Variants in PLA2G4A observed in about 807,000 individuals in gnomAD.
PLA2G4A encodes the protein phospholipase A2 group IVA, also known as cytosolic phospholipase A2.
PLA2G4A carries 40 observed loss-of-function variants against 81.9 expected under a neutral mutation model. The observed-to-expected ratio is 0.49, with a 90% CI of 0.38 to 0.64. The LOEUF (loss-of-function observed/expected upper bound fraction) is 0.64. PLA2G4A is among the 30% of genes least tolerant of loss of function. The pLI is 0.00. For missense variants in PLA2G4A, 715 were observed against 905.1 expected (o/e 0.79, Z 2.69); for synonymous variants, 302 against 296.9 (o/e 1.02, Z -0.18).
intron 5 of PLA2G4A, among the ~76,000 whole-genome samples, chr1:186,903,301 ATGT>A (rs1244474002): frequency 3.3e-5 from 5 of 152,338 alleles, no homozygotes; most frequent in Non-Finnish European, 7.4e-5. Flanking sequence ...TTGAAAGTAA[ATGT>A]TGTAAATATT....
intron 3 of PLA2G4A, among the ~76,000 whole-genome samples, chr1:186,877,433 G>A (rs1417921952): frequency 6.6e-6 from 1 of 151,988 alleles, no homozygotes; most frequent in African/African-American, 2.4e-5. Context: ...CTTTTGGGTA[G>A]TCTGTGCATT....
At chr1:186,830,686 G>T (rs933517286) in intron 1 of PLA2G4A, among the ~76,000 whole-genome samples, 2 of 143,728 alleles carry the variant, frequency 1.4e-5, no homozygotes, top group South Asian at 2.2e-4. Flanking sequence ...ATTAGGAAAA[G>T]AAAAATTATT....
At chr1:186,850,573 A>G (rs1245660307) in intron 1 of PLA2G4A, among the ~76,000 whole-genome samples, 2 of 152,148 alleles carry the variant, frequency 1.3e-5, no homozygotes, top group Non-Finnish European at 2.9e-5. Context: ...GGTAGATAGT[A>G]AAGATGTATT....
At chr1:186,873,910 C>T (rs944314720) in intron 3 of PLA2G4A, among the ~76,000 whole-genome samples, 1 of 152,092 alleles carries the variant, frequency 6.6e-6, no homozygotes, top group Non-Finnish European at 1.5e-5. Flanking sequence ...AGCATTTATA[C>T]CCAGTGCTCT....
chr1:186,842,822 G>T (rs74137522), intron 1 of PLA2G4A, among the ~76,000 whole-genome samples: 1,921 of 152,228 alleles, frequency 0.013, 50 homozygotes, highest in African/African-American at 0.042. Flanking sequence ...TAAGCCACTC[G>T]GTCTGTGATA....
chr1:186,959,837 A>G (rs1204969865), intron 14 of PLA2G4A, among the ~76,000 whole-genome samples: 2 of 152,186 alleles, frequency 1.3e-5, no homozygotes. Context: ...TAAAACTTTT[A>G]GCCACAACTT....
Position 186,831,263 on chromosome 1 carries a change from G to T in PLA2G4A, c.-70+2228G>T, listed in dbSNP as rs185887172. Among the ~76,000 whole-genome samples the T allele has an allele frequency of 1.6e-4, 25 of 152,060 alleles. No homozygotes were observed. The East Asian group carries it at 4.8e-3, about 29-fold the overall frequency. ...TTGGAGTTTTCTGATAATATAAAAT[G>T]ATTAATTATAAAATCATTTTACTTA... is the stretch of plus-strand genomic sequence containing the variant. On this transcript the variant is annotated intron_variant, in intron 1 of 17. Coordinates refer to ENST00000367466, the MANE Select transcript of PLA2G4A (RefSeq NM_024420.3).
intron 4 of PLA2G4A, among the ~76,000 whole-genome samples, chr1:186,893,560 T>C (rs992442592): frequency 1.2e-4 from 19 of 152,170 alleles, no homozygotes; most frequent in African/African-American, 4.6e-4. Flanking sequence ...AGTTTCGTTT[T>C]TGAAAACATG....
At chr1:186,905,198 G>A (rs1654691457) in intron 5 of PLA2G4A, among the ~76,000 whole-genome samples, 1 of 152,158 alleles carries the variant, frequency 6.6e-6, no homozygotes, top group South Asian at 2.1e-4. Context: ...AGACCTGCCA[G>A]CTGGGAAACC....
At chr1:186,901,832 T>G (rs76299493) in intron 5 of PLA2G4A, among the ~76,000 whole-genome samples, 6,573 of 152,252 alleles carry the variant, frequency 0.043, 194 homozygotes, top group African/African-American at 0.077. Flanking sequence ...AACAATTTTT[T>G]TGTGTGTGTG....
chr1:186,877,617 C>G (rs1443464692), intron 3 of PLA2G4A, among the ~76,000 whole-genome samples: 1 of 149,168 alleles, frequency 6.7e-6, no homozygotes, highest in South Asian at 2.1e-4. Flanking sequence ...CCCTGTGCTC[C>G]CTCAGCAGCT....
intron 3 of PLA2G4A, among the ~76,000 whole-genome samples, chr1:186,872,100 G>A (rs913005534): frequency 6.6e-6 from 1 of 152,032 alleles, no homozygotes; most frequent in South Asian, 2.1e-4. Flanking sequence ...GGTGAGGAGA[G>A]CAATGGCAAT....
intron 12 of PLA2G4A, 125 bp downstream of exon 12, chr1:186,947,086 G>C: frequency 3.1e-6 from 2 of 648,458 alleles, no homozygotes; most frequent in Non-Finnish European, 2.7e-6. Flanking sequence ...TAATAATTTG[G>C]TTGAATCAAT....
chr1:186,980,319 C>A (rs1326308807), intron 17 of PLA2G4A, among the ~76,000 whole-genome samples: 1 of 152,160 alleles, frequency 6.6e-6, no homozygotes. Flanking sequence ...ATCAATCCTT[C>A]CTATCATTAG....
At chr1:186,831,829 A>G (rs1651602604) in intron 1 of PLA2G4A, among the ~76,000 whole-genome samples, 1 of 152,150 alleles carries the variant, frequency 6.6e-6, no homozygotes, top group South Asian at 2.1e-4. Flanking sequence ...GTTCATGTAT[A>G]TACATGTTTA....
intron 5 of PLA2G4A, among the ~76,000 whole-genome samples, chr1:186,903,224 T>C (rs1654611392): frequency 6.6e-6 from 1 of 152,132 alleles, no homozygotes; most frequent in Non-Finnish European, 1.5e-5. Flanking sequence ...GATGATTAAT[T>C]GCTGTTTGTT....
At chr1:186,947,321 A>G (rs1656380746) in intron 12 of PLA2G4A, among the ~76,000 whole-genome samples, 1 of 152,126 alleles carries the variant, frequency 6.6e-6, no homozygotes, top group Non-Finnish European at 1.5e-5. Context: ...GCTAAATACA[A>G]TGTAACACTG....
intron 2 of PLA2G4A, among the ~76,000 whole-genome samples, chr1:186,862,891 T>A (rs1483748547): frequency 1.3e-5 from 2 of 152,184 alleles, no homozygotes; most frequent in African/African-American, 4.8e-5. Flanking sequence ...TCCAGAAGAA[T>A]GTAGATTTCC....
chr1:186,957,119 T>C (rs1170526718), intron 14 of PLA2G4A, among the ~76,000 whole-genome samples: 3 of 150,380 alleles, frequency 2.0e-5, no homozygotes, highest in Admixed American at 1.3e-4. Context: ...ACCACTGCAC[T>C]CCAGCCTGGG....
Sources: gnomAD v4.1 joint callset for allele counts (sites outside exome capture counted in the v4.1 genomes callset) on GRCh38, gnomAD v4.1.1 for gene constraint, MANE v1.5 for transcripts, NCBI Gene and HGNC (gene_info 2026-07-23, HGNC 2026-07-21) for gene names.